NCOA3: variants seen among roughly 807,000 people sequenced by gnomAD.
The protein encoded by NCOA3 is CBP-interacting protein.
Under a neutral mutation model 158.8 loss-of-function variants are expected in NCOA3, and 51 were observed. The observed-to-expected ratio is 0.32, with a 90% CI of 0.26 to 0.41. The LOEUF (loss-of-function observed/expected upper bound fraction) is 0.41. Ranked by LOEUF, NCOA3 falls within the 10% of genes least tolerant of loss-of-function variation. The probability of loss-of-function intolerance (pLI) is 1.00; values close to 1 mark genes in which losing one functional copy is unlikely to be tolerated. For missense variants in NCOA3, 1,510 were observed against 1,746.6 expected (o/e 0.86, Z 2.41); for synonymous variants, 537 against 592.4 (o/e 0.91, Z 1.36).
intron 1 of NCOA3, among the ~76,000 whole-genome samples, chr20:47,519,866 A>G (rs1179558138): frequency 6.6e-6 from 1 of 151,854 alleles, no homozygotes; most frequent in African/African-American, 2.4e-5. Context: ...GGTTCAAGAG[A>G]TTCTCCTGCC....
intron 20 of NCOA3, 85 bp downstream of exon 20, chr20:47,651,361 CA>C (rs1288497720): frequency 4.0e-6 from 6 of 1,511,302 alleles, no homozygotes; most frequent in Non-Finnish European, 5.3e-6. Flanking sequence ...ACATGAAAGA[CA>C]AAAACACGAT....
Position 47,627,427 on chromosome 20 carries a change from G to T in NCOA3, c.533-134G>T, listed in dbSNP as rs561446322. 13 of 753,080 alleles carry T rather than the reference G, an allele frequency of 1.7e-5. No individual in the cohort carries two copies. The South Asian group carries it at 2.5e-4, about 15-fold the overall frequency. 46.6% of individuals were successfully genotyped at this position (753,080 alleles called of 1,614,324 possible). ...AAATTATTCACATGTTTTGTATATT[G>T]CCAGCCTGAAATGTTAGTATAGATA... On this transcript the variant is annotated intron_variant, in intron 6 of 22. Transcript: ENST00000371998.
chr20:47,631,104 C>G (rs1056511126), intron 8 of NCOA3: 1 of 152,170 alleles, frequency 6.6e-6, no homozygotes, highest in Non-Finnish European at 1.5e-5. Context: ...ATCATTCTGT[C>G]TGCATTCAAA....
intron 1 of NCOA3, among the ~76,000 whole-genome samples, chr20:47,543,041 G>T (rs3092300): frequency 0.15 from 23,503 of 152,148 alleles, 2,851 homozygotes; most frequent in African/African-American, 0.33. Context: ...GACTCTGGGA[G>T]TAGCCTAGCT....
chr20:47,561,290 T>C (rs1195882396), intron 1 of NCOA3, among the ~76,000 whole-genome samples: 1 of 148,996 alleles, frequency 6.7e-6, no homozygotes, highest in South Asian at 2.1e-4. Context: ...TTTTTTTTTT[T>C]CAAGTTGACT....
At chr20:47,646,136 G>C (rs1487679466) in intron 17 of NCOA3, among the ~76,000 whole-genome samples, 2 of 152,154 alleles carry the variant, frequency 1.3e-5, no homozygotes, top group African/African-American at 2.4e-5. Flanking sequence ...TTTGCATATA[G>C]CCTATGCACA....
intron 1 of NCOA3, among the ~76,000 whole-genome samples, chr20:47,510,046 T>C (rs2084091513): frequency 6.6e-6 from 1 of 152,190 alleles, no homozygotes; most frequent in South Asian, 2.1e-4. Context: ...GTGATATCTT[T>C]GTCATATAAT....
intron 2 of NCOA3, among the ~76,000 whole-genome samples, chr20:47,598,790 G>A (rs543117422): frequency 2.6e-5 from 4 of 152,180 alleles, no homozygotes; most frequent in Admixed American, 6.5e-5. Context: ...ATAAAATGTG[G>A]TGTATCCATA....
chr20:47,604,895 C>A (rs765674288), intron 2 of NCOA3, among the ~76,000 whole-genome samples: 1 of 152,096 alleles, frequency 6.6e-6, no homozygotes, highest in Non-Finnish European at 1.5e-5. Context: ...GAGGTGGGGT[C>A]TTGCTCTGTC....
chr20:47,518,625 A>G (rs956244156), intron 1 of NCOA3, among the ~76,000 whole-genome samples: 4 of 151,692 alleles, frequency 2.6e-5, no homozygotes, highest in South Asian at 2.1e-4. Flanking sequence ...GGGTTTCACC[A>G]TGTTGGTCAG....
intron 9 of NCOA3, 181 bp from the exon 10 acceptor site, chr20:47,633,867 T>TGA: frequency 1.2e-6 from 1 of 841,048 alleles, no homozygotes; most frequent in Non-Finnish European, 1.8e-6. Context: ...CTCTTGTTGG[T>TGA]GAGGGGTAGG....
At chr20:47,581,343 T>TA (rs1320172562) in intron 1 of NCOA3, among the ~76,000 whole-genome samples, 1 of 152,148 alleles carries the variant, frequency 6.6e-6, no homozygotes, top group East Asian at 1.9e-4. Context: ...TACCTAGAGT[T>TA]TTCTTTTTCC....
intron 17 of NCOA3, among the ~76,000 whole-genome samples, chr20:47,642,738 C>G: frequency 6.6e-6 from 1 of 152,104 alleles, no homozygotes; most frequent in East Asian, 1.9e-4. Context: ...CTTAGCCAAG[C>G]CGTGTGTATT....
intron 1 of NCOA3, among the ~76,000 whole-genome samples, chr20:47,547,143 A>G (rs2084844053): frequency 6.6e-6 from 1 of 152,148 alleles, no homozygotes. Context: ...CAAGAACAAG[A>G]ATCCTAGTCC....
chr20:47,642,846 C>T (rs150221490), intron 17 of NCOA3, among the ~76,000 whole-genome samples: 165 of 152,312 alleles, frequency 1.1e-3, no homozygotes, highest in Middle Eastern at 6.8e-3. Flanking sequence ...TTCCTGTTTA[C>T]ATACCCCGCC....
At chr20:47,511,493 G>T (rs1482092754) in intron 1 of NCOA3, among the ~76,000 whole-genome samples, 2 of 88,860 alleles carry the variant, frequency 2.3e-5, no homozygotes, top group East Asian at 3.4e-4. Flanking sequence ...TGGCTATATA[G>T]ATATATAGCT....
In NCOA3 at chr20:47,519,004, C is replaced by T. The variant is rs554835652; in HGVS notation, c.-99+16985C>T. 4.5e-3 allele frequency among the ~76,000 whole-genome samples: 689 copies of T among 151,504 alleles called. 3 individuals carry two copies. Among genetic ancestry groups the T allele is most frequent in the South Asian group, 7.3e-3 (35 of 4,794 alleles). ...TACAAAAATTAGGTGGGCGTGGTGA[C>T]GGGCACCTGTAATCCCAGCTACTCA... On this transcript the variant is annotated intron_variant, in intron 1 of 22. Transcript: ENST00000371998.
intron 17 of NCOA3, among the ~76,000 whole-genome samples, chr20:47,646,255 T>G (rs576457887): frequency 6.6e-6 from 1 of 152,248 alleles, no homozygotes; most frequent in Non-Finnish European, 1.5e-5. Flanking sequence ...GGAATTATTA[T>G]AAGAAGAATG....
At chr20:47,528,914 C>T (rs1200154864) in intron 1 of NCOA3, among the ~76,000 whole-genome samples, 1 of 152,098 alleles carries the variant, frequency 6.6e-6, no homozygotes, top group Non-Finnish European at 1.5e-5. Context: ...GCTGGAATTA[C>T]AGCCACCACG....
Sources: allele counts gnomAD v4.1 joint callset (sites outside exome capture counted in the v4.1 genomes callset), GRCh38; gene constraint gnomAD v4.1.1; transcripts MANE v1.5; gene names NCBI Gene and HGNC (gene_info 2026-07-23, HGNC 2026-07-21).